Variants in FAM9A observed in about 807,000 individuals in gnomAD.
FAM9A encodes the protein protein FAM9A.
FAM9A carries 49 observed loss-of-function variants against 25.0 expected under a neutral mutation model. The observed-to-expected ratio is 1.96, with a 90% CI of 1.56 to 2.48. The LOEUF (loss-of-function observed/expected upper bound fraction) is 2.48. Among genes scored for constraint, FAM9A ranks in the 30% most tolerant of loss-of-function variants. The pLI is 0.00. For synonymous variants in FAM9A, 80 were observed against 85.1 expected (o/e 0.94, Z 0.33); for missense variants, 266 against 249.3 (o/e 1.07, Z -0.45).
At position 8,791,506 on chromosome X, in the gene FAM9A, T is replaced by G. The variant is rs1402167599; in HGVS notation, c.931-127A>C. On this transcript the variant is annotated intron_variant, in intron 8 of 9. Transcript: ENST00000381003. ...AGGATGCTGGTTATTTATTTCAATT[T>G]GAAAAAAACTGTAACCAATACATGG... The G allele has an allele frequency of 6.2e-6, 3 of 484,847 alleles. No individual in the cohort carries two copies. The African/African-American group carries it at 7.3e-5, about 12-fold the overall frequency. The allele number at this position is 484,847 out of a possible 1,213,427, so 40.0% of individuals were successfully genotyped here.
intron 5 of FAM9A, among the ~76,000 whole-genome samples, chrX:8,797,241 A>G (rs1001607164): frequency 1.2e-4 from 14 of 112,459 alleles, no homozygotes; most frequent in African/African-American, 2.9e-4. Context: ...GCTAGAGAAG[A>G]GCTGAAAACT....
Position 8,796,282 on chromosome X carries a change from T to A in FAM9A, c.474A>T (p.Lys158Asn), listed in dbSNP as rs1933531800. 8.4e-7 allele frequency: 1 copy of A among 1,192,819 alleles called. No individual in the cohort carries two copies. The change falls in exon 6 of 10, where the codon AAA (lysine) becomes AAT (asparagine). Residue 158 changes from lysine to asparagine, a missense_variant. By Grantham distance (94) the Lys-to-Asn change is moderately conservative. Coordinates refer to ENST00000381003, the MANE Select transcript of FAM9A (RefSeq NM_174951.3). The part of the protein sequence containing the change: ...TKNTIERALK[K>N]KQLKRQKRDY... The stretch of plus-strand genomic sequence containing the variant: ...AACAATCATACCTTTTTAGTTGTTT[T>A]TTTTTCAAAGCACGTTCAATTGTGT...
In FAM9A at chrX:8,798,370, A is replaced by G. The variant is rs1385735760; in HGVS notation, c.330T>C (p.Asp110=). The change falls in exon 4 of 10, where the codon GAT becomes GAC. Residue 110 remains aspartate (D), a synonymous_variant. Coordinates refer to ENST00000381003, the MANE Select transcript of FAM9A (RefSeq NM_174951.3). ...HGEREPFAEK[D]EHTGIHTMKL... ...CTTAAACACTTTACCCCGTGTGTTCATCTTTTTCAGCAAAAGGTTCTCTTT... is the reference window on the plus strand; with the variant it reads ...CTTAAACACTTTACCCCGTGTGTTCGTCTTTTTCAGCAAAAGGTTCTCTTT... The G allele has an allele frequency of 1.7e-6, 2 of 1,211,718 alleles. No homozygotes were observed. The highest frequency in any genetic ancestry group is 1.8e-5 in the South Asian group (1 of 56,831).
In FAM9A at chrX:8,798,427, T is replaced by TG. The variant is rs773783416; in HGVS notation, c.272dup (p.Arg92LysfsTer7). ...GCTCATCAGTTACATCTTCCTCCCTTGTTTCTGTAAAAGGGTTTCTTTCCT... is the reference window on the plus strand; with the variant it reads ...GCTCATCAGTTACATCTTCCTCCCTTGGTTTCTGTAAAAGGGTTTCTTTCCT... On this transcript the variant is annotated frameshift_variant, in exon 4 of 10. Transcript: ENST00000381003. LOFTEE classifies it high-confidence loss of function. 7.4e-6 allele frequency: 9 copies of TG among 1,210,560 alleles called. No homozygotes were observed. Among genetic ancestry groups the TG allele is most frequent in the Admixed American group, 2.2e-5 (1 of 45,848 alleles).
At chrX:8,798,063 C>T (rs1933552892) in intron 5 of FAM9A, 87 bp downstream of exon 5, 4 of 897,760 alleles carry the variant, frequency 4.5e-6, no homozygotes, top group Admixed American at 3.0e-5. Flanking sequence ...AAGACAGTCT[C>T]GTCGTCCACT....
At chrX:8,800,558 G>T (rs1471116925) in intron 1 of FAM9A, among the ~76,000 whole-genome samples, 1 of 110,547 alleles carries the variant, frequency 9.0e-6, no homozygotes, top group Non-Finnish European at 1.9e-5. Context: ...CCATCTCTGG[G>T]GGAATGTCAG....
At chrX:8,793,538 G>A in intron 8 of FAM9A, 120 bp downstream of exon 8, 1 of 501,051 alleles carries the variant, frequency 2.0e-6, no homozygotes, top group Non-Finnish European at 3.3e-6. Flanking sequence ...AAGTGAAAAT[G>A]GTAAGTAATT....
chrX:8,793,313 C>A (rs753279772), intron 8 of FAM9A, among the ~76,000 whole-genome samples: 1 of 111,892 alleles, frequency 8.9e-6, no homozygotes, highest in Non-Finnish European at 1.9e-5. Context: ...TATCTCCTAC[C>A]GCTCAAGAAC....
intron 8 of FAM9A, among the ~76,000 whole-genome samples, chrX:8,792,420 T>C (rs1263762577): frequency 2.7e-5 from 3 of 110,921 alleles, no homozygotes; most frequent in South Asian, 3.9e-4. Context: ...GGTCTTGAAC[T>C]AGGGCAGCTG....
At chrX:8,791,428 C>T (rs368299443) in intron 8 of FAM9A, 49 bp from the exon 9 acceptor site, 51 of 966,836 alleles carry the variant, frequency 5.3e-5, no homozygotes, top group African/African-American at 1.9e-4. Context: ...TTACATCTCA[C>T]GTTTTAAACA....
intron 2 of FAM9A, 123 bp from the exon 3 acceptor site, chrX:8,799,217 G>C (rs1933570744): frequency 4.6e-5 from 43 of 941,562 alleles, no homozygotes; most frequent in Non-Finnish European, 6.0e-5. Context: ...TGTGGGAGCA[G>C]GAGGGGATGG....
chrX:8,793,161 A>G (rs1232137715), intron 8 of FAM9A, among the ~76,000 whole-genome samples: 2 of 112,410 alleles, frequency 1.8e-5, no homozygotes, highest in African/African-American at 6.5e-5. Context: ...AGTAAAAAAG[A>G]CATCCAGAAA....
At position 8,798,390 on chromosome X, in the gene FAM9A, C is replaced by A; in HGVS notation, c.310G>T (p.Glu104Ter). Residue 104 changes from glutamate (E) to a stop codon, truncating the protein, a stop_gained, in exon 4 of 10, where the codon GAA (glutamate) becomes TAA (stop). Transcript: ENST00000381003. LOFTEE classifies it high-confidence loss of function. ...EDVTDEHGER[E>*]PFAEKDEHTG... ...TGTTCATCTTTTTCAGCAAAAGGTT[C>A]TCTTTCCCCATGCTCATCAGTTACA... is the stretch of plus-strand genomic sequence containing the variant. 1 of 1,211,823 alleles carries A rather than the reference C, an allele frequency of 8.3e-7. No homozygotes were observed. Among genetic ancestry groups the A allele is most frequent in the Non-Finnish European group, 1.1e-6 (1 of 895,607 alleles).
intron 8 of FAM9A, among the ~76,000 whole-genome samples, chrX:8,792,082 A>G (rs974202721): frequency 2.7e-5 from 3 of 112,240 alleles, no homozygotes; most frequent in Admixed American, 1.9e-4. Context: ...TAGTCAAAAA[A>G]AAATTTTTTT....
intron 8 of FAM9A, among the ~76,000 whole-genome samples, chrX:8,791,889 C>T (rs1213406728): frequency 1.8e-5 from 2 of 111,417 alleles, no homozygotes; most frequent in African/African-American, 6.5e-5. Context: ...TATGTTAATG[C>T]TAAGGAAGAT....
chrX:8,798,991 C>A lies in FAM9A; in HGVS notation c.195G>T (p.Arg65Ser), dbSNP rs200757954. 1.6e-6 allele frequency: 2 copies of A among 1,212,642 alleles called. No individual in the cohort carries two copies. The highest frequency in any genetic ancestry group is 3.5e-5 in the South Asian group (2 of 57,076). The stretch of plus-strand genomic sequence containing the variant: ...CTGTGTGCTTCTTCGCCGGGGCGGC[C>A]CTAACTTGAGCTTCCAACTGAGCTT... The part of the protein sequence containing the change: ...AAKAQLEAQV[R>S]AAPAKKHTGK... Residue 65 changes from arginine to serine, a missense_variant, in exon 3 of 10, where the codon AGG (arginine) becomes AGT (serine). Physicochemically the swap from Arg to Ser is moderately radical, Grantham distance 110. Transcript: ENST00000381003.
intron 8 of FAM9A, 141 bp downstream of exon 8, chrX:8,793,517 C>A: frequency 2.2e-6 from 1 of 461,611 alleles, no homozygotes; most frequent in South Asian, 3.9e-5. Flanking sequence ...AAATTTGGAA[C>A]AATACATTCA....
chrX:8,799,841 C>T lies in FAM9A; in HGVS notation c.91+240G>A, dbSNP rs1226663038. ...CAAGTCCCCGGGACAATCCCGGGCC[C>T]TGGGGATCACTCAGGTGTCTCCAGC... On this transcript the variant is annotated intron_variant, in intron 2 of 9. Transcript: ENST00000381003. 4.2e-5 allele frequency among the ~76,000 whole-genome samples: 3 copies of T among 70,951 alleles called. No homozygotes were observed. The Admixed American group carries it at 4.8e-4, about 11-fold the overall frequency. The allele number at this position is 70,951 out of a possible 115,157, so 61.6% of individuals were successfully genotyped here. A position where few individuals can be genotyped will look rare whatever the true frequency, so the allele number is the denominator to read the frequency against.
chrX:8,799,759 C>T (rs1480938950), intron 2 of FAM9A, among the ~76,000 whole-genome samples: 5 of 43,442 alleles, frequency 1.2e-4, no homozygotes, highest in African/African-American at 4.9e-4. Context: ...CTCTCCACCA[C>T]CTCCATTCCC....
Sources: allele counts gnomAD v4.1 joint callset (sites outside exome capture counted in the v4.1 genomes callset), GRCh38; gene constraint gnomAD v4.1.1; transcripts MANE v1.5; gene names NCBI Gene and HGNC (gene_info 2026-07-23, HGNC 2026-07-21).